The following RABGAP1L variants were observed in gnomAD, a reference collection of about 807,000 sequenced individuals.
RABGAP1L encodes rab GTPase-activating protein 1-like.
In RABGAP1L, 63 loss-of-function variants were observed where a neutral mutation model predicts 137.7. The ratio of observed to expected loss-of-function variants is 0.46; its 90% CI spans 0.37 to 0.56. The LOEUF is 0.56. Ranked by LOEUF, RABGAP1L falls within the 20% of genes least tolerant of loss-of-function variation. The pLI is 0.00. For synonymous variants in RABGAP1L, 431 were observed against 433.7 expected (o/e 0.99, Z 0.08); for missense variants, 1,095 against 1,244.0 (o/e 0.88, Z 1.80).
At chr1:174,194,466 C>T (rs1247866492) in intron 1 of RABGAP1L, among the ~76,000 whole-genome samples, 1 of 152,116 alleles carries the variant, frequency 6.6e-6, no homozygotes, top group Non-Finnish European at 1.5e-5. Flanking sequence ...AAACTCCTGA[C>T]CTCGTGATCT....
chr1:174,747,754 G>A (rs1683999553), intron 17 of RABGAP1L, among the ~76,000 whole-genome samples: 1 of 151,908 alleles, frequency 6.6e-6, no homozygotes, highest in Non-Finnish European at 1.5e-5. Flanking sequence ...CATGATATAA[G>A]CATTCATCAA....
intron 8 of RABGAP1L, among the ~76,000 whole-genome samples, chr1:174,275,586 G>A (rs1022193535): frequency 6.6e-6 from 1 of 152,122 alleles, no homozygotes; most frequent in Admixed American, 6.6e-5. Context: ...CAGCATGTAA[G>A]TATATGCCTC....
At chr1:174,728,584 CT>C (rs1402904936) in intron 17 of RABGAP1L, among the ~76,000 whole-genome samples, 1 of 149,208 alleles carries the variant, frequency 6.7e-6, no homozygotes, top group Non-Finnish European at 1.5e-5. Context: ...TCCTATCAAA[CT>C]ACCAGTGTCT....
intron 1 of RABGAP1L, among the ~76,000 whole-genome samples, chr1:174,178,630 C>T (rs1020745729): frequency 2.0e-5 from 3 of 152,220 alleles, no homozygotes; most frequent in Non-Finnish European, 4.4e-5. Flanking sequence ...GGCACATATA[C>T]ACCATGGAAT....
intron 11 of RABGAP1L, among the ~76,000 whole-genome samples, chr1:174,333,278 TA>T (rs1681194527): frequency 6.6e-6 from 1 of 152,204 alleles, no homozygotes; most frequent in Non-Finnish European, 1.5e-5. Context: ...TAGCTAACTG[TA>T]ACGCATCGGA....
chr1:174,973,979 GT>G (rs58500594), intron 21 of RABGAP1L, among the ~76,000 whole-genome samples: 13,128 of 85,778 alleles, frequency 0.15, 2,429 homozygotes, highest in African/African-American at 0.43. Context: ...ATTGTTTTTT[GT>G]TTTTTTTTTT....
intron 1 of RABGAP1L, among the ~76,000 whole-genome samples, chr1:174,173,733 T>C (rs1228333203): frequency 6.6e-6 from 1 of 152,060 alleles, no homozygotes; most frequent in Non-Finnish European, 1.5e-5. Context: ...GTTGAAGAGC[T>C]GACAGTCTTA....
intron 21 of RABGAP1L, among the ~76,000 whole-genome samples, 167 bp downstream of exon 21, chr1:174,969,554 A>G (rs1669954303): frequency 1.3e-5 from 2 of 152,194 alleles, no homozygotes; most frequent in African/African-American, 4.8e-5. Flanking sequence ...AGCCTTTGAG[A>G]AAGGTTTGGG....
chr1:174,686,722 T>C (rs553314169), intron 15 of RABGAP1L, among the ~76,000 whole-genome samples: 2 of 138,136 alleles, frequency 1.4e-5, no homozygotes, highest in East Asian at 5.1e-4. Flanking sequence ...AGTGGTGCAA[T>C]CTCAGCTCAA....
chr1:174,781,296 T>G (rs1018617165), intron 18 of RABGAP1L, among the ~76,000 whole-genome samples: 2 of 152,230 alleles, frequency 1.3e-5, no homozygotes, highest in African/African-American at 4.8e-5. Context: ...ATTGTGGTTT[T>G]GATTTGTATT....
At chr1:174,610,059 TTTA>T (rs1245802174) in intron 13 of RABGAP1L, among the ~76,000 whole-genome samples, 5 of 151,106 alleles carry the variant, frequency 3.3e-5, no homozygotes, top group East Asian at 1.9e-4. Context: ...TTAAATTTAT[TTTA>T]TTATTATTAT....
intron 15 of RABGAP1L, among the ~76,000 whole-genome samples, chr1:174,698,202 G>A (rs979152212): frequency 1.3e-5 from 2 of 152,180 alleles, no homozygotes; most frequent in African/African-American, 4.8e-5. Flanking sequence ...CTAGGACATT[G>A]AATAAGTACA....
intron 13 of RABGAP1L, among the ~76,000 whole-genome samples, chr1:174,438,297 A>G (rs1166454422): frequency 6.6e-6 from 1 of 152,166 alleles, no homozygotes; most frequent in South Asian, 2.1e-4. Flanking sequence ...GTGTTTACAT[A>G]TAGATTTTAG....
At chr1:174,197,907 G>T (rs917952112) in intron 1 of RABGAP1L, among the ~76,000 whole-genome samples, 1 of 152,148 alleles carries the variant, frequency 6.6e-6, no homozygotes, top group South Asian at 2.1e-4. Flanking sequence ...TTATATGAAT[G>T]TGTTTTCAGA....
chr1:174,476,708 C>A (rs1330485587), intron 13 of RABGAP1L, among the ~76,000 whole-genome samples: 1 of 152,200 alleles, frequency 6.6e-6, no homozygotes, highest in Non-Finnish European at 1.5e-5. Flanking sequence ...TAAGTGATTT[C>A]ATCACTCAAA....
intron 10 of RABGAP1L, among the ~76,000 whole-genome samples, chr1:174,282,315 T>G (rs558786967): frequency 2.0e-5 from 3 of 152,358 alleles, no homozygotes; most frequent in East Asian, 3.9e-4. Context: ...GTCAGTCTTT[T>G]AAATTGTAGC....
intron 13 of RABGAP1L, among the ~76,000 whole-genome samples, chr1:174,539,951 C>T (rs1485017256): frequency 6.6e-6 from 1 of 152,142 alleles, no homozygotes; most frequent in Non-Finnish European, 1.5e-5. Flanking sequence ...CTCTCCAGCA[C>T]CTATTGTTTC....
intron 12 of RABGAP1L, among the ~76,000 whole-genome samples, chr1:174,373,264 A>T (rs1230592075): frequency 6.6e-6 from 1 of 152,186 alleles, no homozygotes; most frequent in African/African-American, 2.4e-5. Context: ...GTCTCAGACC[A>T]GGCTGGGAAA....
chr1:174,765,078 G>A (rs1477513935), intron 18 of RABGAP1L, among the ~76,000 whole-genome samples: 1 of 152,192 alleles, frequency 6.6e-6, no homozygotes, highest in Non-Finnish European at 1.5e-5. Flanking sequence ...TTTGACCATG[G>A]CTGCAACCGT....
Sources: gnomAD v4.1 joint callset for allele counts (sites outside exome capture counted in the v4.1 genomes callset) on GRCh38, gnomAD v4.1.1 for gene constraint, MANE v1.5 for transcripts, NCBI Gene and HGNC (gene_info 2026-07-23, HGNC 2026-07-21) for gene names.